The following GNA13 variants were observed in gnomAD, a reference collection of about 807,000 sequenced individuals.
GNA13 encodes guanine nucleotide-binding protein subunit alpha-13.
GNA13 carries 4 observed loss-of-function variants against 33.5 expected under a neutral mutation model. The observed-to-expected ratio is 0.12, with a 90% CI of 0.06 to 0.27. The LOEUF (loss-of-function observed/expected upper bound fraction) is 0.27, where lower values mean the gene tolerates loss of function less well. Among genes scored for constraint, GNA13 ranks in the 10% least tolerant of loss-of-function variants. GNA13 has a pLI of 1.00. For synonymous variants in GNA13, 176 were observed against 183.8 expected (o/e 0.96, Z 0.34); for missense variants, 319 against 487.2 (o/e 0.65, Z 3.25).
rs758704526 is a variant in GNA13 at position 65,014,804 on chromosome 17, A to C, written c.587T>G (p.Ile196Ser). ...TTTGGTGGGTCTTCTGGCAAGCAGA[A>C]TATCTTGTTGTGATGGAATATAATC... ...EPDYIPSQQDILLARRPTKGI... is the reference protein window; with the variant it reads ...EPDYIPSQQDSLLARRPTKGI... The change falls in exon 4 of 4, where the codon ATT becomes AGT. Residue 196 changes from isoleucine to serine, a missense_variant. This residue lies in a region of GNA13 where 134 missense variants were observed against 241.3 expected (regional missense o/e 0.56). Coordinates refer to ENST00000439174, the MANE Select transcript of GNA13 (RefSeq NM_006572.6). The surrounding 1 kb of genome is among the most constrained non-coding windows in gnomAD (Gnocchi z 5.3). 3 of 1,612,216 alleles carry C rather than the reference A, an allele frequency of 1.9e-6. No individual in the cohort carries two copies. Among genetic ancestry groups the C allele is most frequent in the Non-Finnish European group, 1.7e-6 (2 of 1,178,548 alleles).
chr17:65,024,628 C>T (rs1331180448), intron 2 of GNA13, among the ~76,000 whole-genome samples: 1 of 152,152 alleles, frequency 6.6e-6, no homozygotes, highest in Non-Finnish European at 1.5e-5. Context: ...TCAGAATTAC[C>T]TAATGTGCTT....
Position 65,014,641 on chromosome 17 carries a change from A to C in GNA13, c.750T>G (p.Ser250Arg). 6.2e-7 allele frequency: 1 copy of C among 1,614,162 alleles called. No homozygotes were observed. The highest frequency in any genetic ancestry group is 8.5e-7 in the Non-Finnish European group (1 of 1,179,992). ...CTTCCATAAGCACCTGGTCAAATTCACTTGAGGAAACAAGGAAAAGTATTG... is the reference window on the plus strand; with the variant it reads ...CTTCCATAAGCACCTGGTCAAATTCCCTTGAGGAAACAAGGAAAAGTATTG... ...VTSILFLVSS[S>R]EFDQVLMEDR... Residue 250 changes from serine to arginine, a missense_variant, in exon 4 of 4, where the codon AGT becomes AGG. Physicochemically the swap from Ser to Arg is moderately radical, Grantham distance 110 (BLOSUM62 -1). Transcript: ENST00000439174. This position sits in a 1 kb window ranked among gnomAD's most constrained non-coding sequence, Gnocchi z 5.3.
At chr17:65,045,522 A>AAAC (rs1907629370) in intron 2 of GNA13, among the ~76,000 whole-genome samples, 1 of 151,314 alleles carries the variant, frequency 6.6e-6, no homozygotes. Context: ...AAAAAAAAAA[A>AAAC]AAAAAACCAA....
At chr17:65,049,967 T>G (rs893365507) in intron 2 of GNA13, among the ~76,000 whole-genome samples, 1 of 152,124 alleles carries the variant, frequency 6.6e-6, no homozygotes, top group Non-Finnish European at 1.5e-5. Context: ...ATGAGAGCTA[T>G]AGAAGCAAAA....
At chr17:65,029,630 C>CG (rs1161777228) in intron 2 of GNA13, among the ~76,000 whole-genome samples, 1 of 151,928 alleles carries the variant, frequency 6.6e-6, no homozygotes, top group Non-Finnish European at 1.5e-5. Flanking sequence ...ACGGTTTATA[C>CG]CACTCATGGC....
At chr17:65,049,129 A>G (rs1394813736) in intron 2 of GNA13, among the ~76,000 whole-genome samples, 1 of 152,130 alleles carries the variant, frequency 6.6e-6, no homozygotes, top group Non-Finnish European at 1.5e-5. Flanking sequence ...TATTTTTTTG[A>G]GACAGGGTCT....
chr17:65,023,698 A>C (rs77947271), intron 2 of GNA13, among the ~76,000 whole-genome samples: 3,033 of 152,336 alleles, frequency 0.02, 94 homozygotes, highest in African/African-American at 0.069. Context: ...AAAAAGTGAG[A>C]CTTCCATTCC....
intron 1 of GNA13, 81 bp downstream of exon 1, chr17:65,056,230 C>T (rs1288576223): frequency 3.1e-6 from 3 of 966,368 alleles, no homozygotes; most frequent in Non-Finnish European, 4.5e-6. Context: ...CACAGCGGAC[C>T]AGGGCGGTGC....
Position 65,009,659 on chromosome 17 carries a change from A to G in GNA13, c.*4598T>C, listed in dbSNP as rs1906107923. Among the ~76,000 whole-genome samples, 2 of 152,206 alleles carry G rather than the reference A, an allele frequency of 1.3e-5. No homozygotes were observed. Among genetic ancestry groups the G allele is most frequent in the Non-Finnish European group, 2.9e-5 (2 of 68,036 alleles). On this transcript the variant is annotated 3_prime_UTR_variant, in exon 4 of 4. Transcript: ENST00000439174. Reference sequence around the variant, plus strand: ...GGGTTATTACAAAATATACTTTTTTATAAGGCTTCTTGTGGTAAATGAGCT... The same window carrying G: ...GGGTTATTACAAAATATACTTTTTTGTAAGGCTTCTTGTGGTAAATGAGCT...
chr17:65,013,959 T>C lies in GNA13; in HGVS notation c.*298A>G. 1 of 352,590 alleles carries C rather than the reference T, an allele frequency of 2.8e-6. No homozygotes were observed. The highest frequency in any genetic ancestry group is 5.2e-6 in the Non-Finnish European group (1 of 192,818). The allele number at this position is 352,590 out of a possible 1,614,324, so 21.8% of individuals were successfully genotyped here. On this transcript the variant is annotated 3_prime_UTR_variant, in exon 4 of 4. Coordinates refer to ENST00000439174, the MANE Select transcript of GNA13 (RefSeq NM_006572.6). ...GGAGAATTCAGTTTGGAAAGTAGAA[T>C]AATTTAAAGCCTGAAATATGCCTAG...
In GNA13 at chr17:65,053,713, A is replaced by G. The variant is rs1598503863; in HGVS notation, c.299T>C (p.Val100Ala). The change falls in exon 2 of 4, where the codon GTT (valine) becomes GCT (alanine). Residue 100 changes from valine to alanine, a missense_variant. Around this residue, in one of 4 missense-constraint regions of GNA13, gnomAD observed 136 missense variants for 159.3 expected, o/e 0.85. Coordinates refer to ENST00000439174, the MANE Select transcript of GNA13 (RefSeq NM_006572.6). The part of the protein sequence containing the change: ...SNVIKGMRVL[V>A]DAREKLHIPW... ...AATATGAAGCTTCTCTCGAGCATCA[A>G]CCAGCACCCTCATACCTTTGTTTAA... The G allele has an allele frequency of 6.2e-7, 1 of 1,610,166 alleles. No homozygotes were observed. The highest frequency in any genetic ancestry group is 8.5e-7 in the Non-Finnish European group (1 of 1,176,380).
chr17:65,023,361 CAAAAAGTG>C (rs1239948969), intron 2 of GNA13, among the ~76,000 whole-genome samples: 1 of 152,194 alleles, frequency 6.6e-6, no homozygotes, highest in Non-Finnish European at 1.5e-5. Context: ...CTGTCAGAAA[CAAAAAGTG>C]AAAATTCTGA....
chr17:65,041,304 T>C (rs556157448), intron 2 of GNA13, among the ~76,000 whole-genome samples: 4 of 152,162 alleles, frequency 2.6e-5, no homozygotes, highest in African/African-American at 9.7e-5. Flanking sequence ...TTGTTTTATG[T>C]TTTTTGGGGA....
intron 2 of GNA13, among the ~76,000 whole-genome samples, chr17:65,047,819 T>C (rs567493015): frequency 2.3e-4 from 35 of 152,252 alleles, no homozygotes; most frequent in Admixed American, 1.7e-3. Context: ...CATGCTGCAG[T>C]GCAAATAAAT....
intron 2 of GNA13, among the ~76,000 whole-genome samples, chr17:65,047,807 T>C (rs1907720649): frequency 1.3e-5 from 2 of 152,160 alleles, no homozygotes; most frequent in Admixed American, 6.5e-5. Flanking sequence ...ATATTTCCAA[T>C]ACATGCTGCA....
intron 3 of GNA13, among the ~76,000 whole-genome samples, 161 bp downstream of exon 3, chr17:65,018,092 T>TTAAAAA (rs1906437129): frequency 4.7e-5 from 1 of 21,474 alleles, no homozygotes. Flanking sequence ...ACGCCACCAC[T>TTAAAAA]AAAAAAAAAA....
chr17:65,033,533 T>G (rs554879079), intron 2 of GNA13, among the ~76,000 whole-genome samples: 1 of 151,944 alleles, frequency 6.6e-6, no homozygotes, highest in South Asian at 2.1e-4. Context: ...TACAGCATAC[T>G]CAAAGTACCA....
chr17:65,013,165 A>G lies in GNA13; in HGVS notation c.*1092T>C, dbSNP rs540566694. Reference sequence around the variant, plus strand: ...TCTGTTAGAGACACACCAAGAATGAACAGGAATCTCAAATAATGCCTTCTT... The same window carrying G: ...TCTGTTAGAGACACACCAAGAATGAGCAGGAATCTCAAATAATGCCTTCTT... On this transcript the variant is annotated 3_prime_UTR_variant, in exon 4 of 4. Coordinates refer to ENST00000439174, the MANE Select transcript of GNA13 (RefSeq NM_006572.6). 1.2e-4 allele frequency: 24 copies of G among 203,328 alleles called. No homozygotes were observed. Among genetic ancestry groups the G allele is most frequent in the Non-Finnish European group, 1.5e-4 (15 of 99,134 alleles). 12.6% of individuals were successfully genotyped at this position (203,328 alleles called of 1,614,324 possible). A position where few individuals can be genotyped will look rare whatever the true frequency, so the allele number is the denominator to read the frequency against.
chr17:65,027,300 C>T (rs1388923327), intron 2 of GNA13, among the ~76,000 whole-genome samples: 2 of 134,046 alleles, frequency 1.5e-5, no homozygotes, highest in East Asian at 2.3e-4. Context: ...TCCCACCTCA[C>T]ACCCCTCCCC....
Sources: allele counts gnomAD v4.1 joint callset (sites outside exome capture counted in the v4.1 genomes callset), GRCh38; gene constraint gnomAD v4.1.1; regional missense constraint gnomAD v4.1.1; non-coding constraint Gnocchi (gnomAD v3.1); transcripts MANE v1.5; gene names NCBI Gene and HGNC (gene_info 2026-07-23, HGNC 2026-07-21).